The following KCNG3 variants were observed in gnomAD, a reference collection of about 807,000 sequenced individuals.
KCNG3 encodes potassium voltage-gated channel modifier subfamily G member 3, also known as voltage-gated potassium channel regulatory subunit KCNG3.
KCNG3 carries 15 observed loss-of-function variants against 29.0 expected under a neutral mutation model. The observed-to-expected ratio is 0.52, with a 90% CI of 0.35 to 0.80. The LOEUF (loss-of-function observed/expected upper bound fraction) is 0.80, where lower values mean the gene tolerates loss of function less well. Ranked by LOEUF, KCNG3 falls within the 30% of genes least tolerant of loss-of-function variation. The pLI is 0.01. For synonymous variants in KCNG3, 322 were observed against 248.9 expected (o/e 1.29, Z -2.76); for missense variants, 512 against 605.7 (o/e 0.85, Z 1.62).
chr2:42,472,891 A>ATC (rs150374659), intron 1 of KCNG3, among the ~76,000 whole-genome samples: 23 of 37,592 alleles, frequency 6.1e-4, no homozygotes, highest in South Asian at 5.3e-3. Context: ...CTATCGATAG[A>ATC]TATATATATA....
chr2:42,440,895 G>A (rs999754245), downstream of KCNG3, among the ~76,000 whole-genome samples: 3 of 152,164 alleles, frequency 2.0e-5, no homozygotes, highest in African/African-American at 7.2e-5. Context: ...AAATTCAGGT[G>A]TGGTAAAATC....
chr2:42,489,862 T>C (rs975751166), intron 1 of KCNG3, among the ~76,000 whole-genome samples: 4 of 152,188 alleles, frequency 2.6e-5, no homozygotes, highest in Non-Finnish European at 5.9e-5. Flanking sequence ...TCCTGGTATT[T>C]TCCAGAGTTG....
chr2:42,427,169 T>C, the KCNG3 span, among the ~76,000 whole-genome samples: 1 of 152,218 alleles, frequency 6.6e-6, no homozygotes, highest in Non-Finnish European at 1.5e-5. Flanking sequence ...CGATGTATTT[T>C]CTGAAAATAG....
At chr2:42,469,097 A>C (rs765772382) in intron 1 of KCNG3, among the ~76,000 whole-genome samples, 2 of 151,868 alleles carry the variant, frequency 1.3e-5, no homozygotes, top group Non-Finnish European at 2.9e-5. Flanking sequence ...TTCAGTAATT[A>C]AGACAGTATA....
chr2:42,491,252 C>T (rs1673867806), intron 1 of KCNG3, among the ~76,000 whole-genome samples: 1 of 152,024 alleles, frequency 6.6e-6, no homozygotes, highest in African/African-American at 2.4e-5. Flanking sequence ...TTTACAAATG[C>T]TTTACATTAA....
At chr2:42,457,870 C>T (rs12466692) in intron 1 of KCNG3, among the ~76,000 whole-genome samples, 54,211 of 151,788 alleles carry the variant, frequency 0.36, 10,200 homozygotes, top group Middle Eastern at 0.53. Context: ...CCTGTAGTCT[C>T]CTAGCTACTT....
At chr2:42,488,471 C>A (rs929971873) in intron 1 of KCNG3, among the ~76,000 whole-genome samples, 1 of 152,002 alleles carries the variant, frequency 6.6e-6, no homozygotes, top group Admixed American at 6.6e-5. Flanking sequence ...AACTCCTGGG[C>A]TCAGGTGATC....
intron 1 of KCNG3, among the ~76,000 whole-genome samples, chr2:42,454,494 C>T (rs962605609): frequency 2.6e-4 from 39 of 150,980 alleles, no homozygotes; most frequent in African/African-American, 9.3e-4. Flanking sequence ...GGCAGATCAC[C>T]TGAGGTAAGG....
At chr2:42,473,995 T>C (rs1345519880) in intron 1 of KCNG3, among the ~76,000 whole-genome samples, 2 of 151,178 alleles carry the variant, frequency 1.3e-5, no homozygotes, top group South Asian at 4.2e-4. Context: ...CTACTAAAAA[T>C]ACAAAAATTA....
At chr2:42,475,236 G>C (rs928242520) in intron 1 of KCNG3, among the ~76,000 whole-genome samples, 4 of 151,986 alleles carry the variant, frequency 2.6e-5, no homozygotes, top group South Asian at 2.1e-4. Flanking sequence ...GAGGCAGGAG[G>C]ATAGCCTGAG....
chr2:42,478,956 AT>A (rs58327433), intron 1 of KCNG3, among the ~76,000 whole-genome samples: 7,717 of 143,322 alleles, frequency 0.054, 278 homozygotes, highest in African/African-American at 0.11. Flanking sequence ...CAGAGTTTGA[AT>A]TTTTTTTTTT....
At chr2:42,447,975 G>T (rs1332244571) in intron 1 of KCNG3, among the ~76,000 whole-genome samples, 1 of 152,168 alleles carries the variant, frequency 6.6e-6, no homozygotes, top group East Asian at 1.9e-4. Flanking sequence ...TACAGAGGTT[G>T]TACCAAATTA....
chr2:42,413,670 C>T, the KCNG3 span: 1 of 152,230 alleles, frequency 6.6e-6, no homozygotes, highest in Non-Finnish European at 1.5e-5. Context: ...ACTCACAGTT[C>T]CACAGGAGGG....
chr2:42,440,145 C>A (rs1672442050), downstream of KCNG3, among the ~76,000 whole-genome samples: 1 of 152,118 alleles, frequency 6.6e-6, no homozygotes, highest in Non-Finnish European at 1.5e-5. Context: ...AAAAGGCATA[C>A]AATTGGGCCA....
the KCNG3 span, among the ~76,000 whole-genome samples, chr2:42,418,182 C>T: frequency 6.6e-6 from 1 of 152,030 alleles, no homozygotes; most frequent in Non-Finnish European, 1.5e-5. Context: ...ATAATAACTC[C>T]TCATAAGTGG....
chr2:42,426,021 G>A, the KCNG3 span, among the ~76,000 whole-genome samples: 1 of 152,180 alleles, frequency 6.6e-6, no homozygotes, highest in African/African-American at 2.4e-5. Context: ...AAATGTTCAA[G>A]CTGTAGAGAC....
At chr2:42,437,715 A>T (rs1672398615), downstream of KCNG3, among the ~76,000 whole-genome samples, 1 of 152,176 alleles carries the variant, frequency 6.6e-6, no homozygotes, top group Non-Finnish European at 1.5e-5. Flanking sequence ...AGGTGGGCAG[A>T]CCACATAAAG....
chr2:42,397,850 C>T, the KCNG3 span, among the ~76,000 whole-genome samples: 7 of 152,192 alleles, frequency 4.6e-5, no homozygotes, highest in African/African-American at 1.7e-4. Context: ...ATTTGTATGG[C>T]CCTTTTAGAG....
the KCNG3 span, among the ~76,000 whole-genome samples, chr2:42,401,952 G>A: frequency 6.6e-6 from 1 of 152,148 alleles, no homozygotes; most frequent in African/African-American, 2.4e-5. Context: ...TTAATTTTCT[G>A]TGTCAACATG....
Sources: allele counts gnomAD v4.1 joint callset (sites outside exome capture counted in the v4.1 genomes callset), GRCh38; gene constraint gnomAD v4.1.1; transcripts MANE v1.5; gene names NCBI Gene and HGNC (gene_info 2026-07-23, HGNC 2026-07-21).